VWF: variants seen among roughly 807,000 people sequenced by gnomAD.
VWF encodes von Willebrand factor.
Under a neutral mutation model 308.6 loss-of-function variants are expected in VWF, and 176 were observed. The observed-to-expected ratio is 0.57, with a 90% CI of 0.50 to 0.65. The LOEUF (loss-of-function observed/expected upper bound fraction) is 0.65, where lower values mean the gene tolerates loss of function less well. Ranked by LOEUF, VWF falls within the 30% of genes least tolerant of loss-of-function variation. The pLI, the probability that VWF is intolerant of heterozygous loss-of-function variation, is 0.00. For synonymous variants in VWF, 1,385 were observed against 1,443.4 expected (o/e 0.96, Z 0.92); for missense variants, 3,146 against 3,648.2 (o/e 0.86, Z 3.55).
rs183064543 is a variant in VWF, at chr12:5,980,606, C to T, written c.7287+1180G>A. On this transcript the variant is annotated intron_variant, in intron 42 of 51. Coordinates refer to ENST00000261405, the MANE Select transcript of VWF (RefSeq NM_000552.5). ...AAGGCAGGAGGGGTGGGCAGGAAGA[C>T]GAGAAGGAGAACAGAGATATAAGAA... Among the ~76,000 whole-genome samples the T allele has an allele frequency of 1.1e-4, 16 of 152,230 alleles. No individual in the cohort carries two copies. In the East Asian group the frequency reaches 1.9e-3, roughly 18 times the overall value.
intron 6 of VWF, among the ~76,000 whole-genome samples, chr12:6,081,084 G>A (rs891408295): frequency 2.0e-5 from 3 of 152,030 alleles, no homozygotes; most frequent in Admixed American, 6.6e-5. Flanking sequence ...CAGATTCTCC[G>A]CCCATCCTCC....
At position 5,994,524 on chromosome 12, in the gene VWF, C is replaced by G; in HGVS notation, c.6147G>C (p.Glu2049Asp). The change falls in exon 36 of 52, where the codon GAG becomes GAC. Residue 2049 changes from glutamate (E) to aspartate (D), a missense_variant. Glu to Asp is a conservative substitution (Grantham distance 45, BLOSUM62 2). Around this residue, in one of 3 missense-constraint regions of VWF, gnomAD observed 989 missense variants for 1,117.4 expected, o/e 0.89. Coordinates refer to ENST00000261405, the MANE Select transcript of VWF (RefSeq NM_000552.5). ...EVNVYGAIMH[E>D]VRFNHLGHIF... is the part of the protein sequence containing the mutation. ...TGTGACCAAGGTGATTGAATCTGAC[C>G]TCATGCATGATGGCACCATAAACGT... 1 of 1,614,002 alleles carries G rather than the reference C, an allele frequency of 6.2e-7. No individual in the cohort carries two copies. Among genetic ancestry groups the G allele is most frequent in the East Asian group, 2.2e-5 (1 of 44,888 alleles).
chr12:6,093,854 CCCTTCT>C (rs777576169), intron 6 of VWF, among the ~76,000 whole-genome samples: 28 of 152,216 alleles, frequency 1.8e-4, no homozygotes, highest in Non-Finnish European at 3.7e-4. Flanking sequence ...TCCCCACCTC[CCCTTCT>C]CTCCAGTGTG....
chr12:6,105,127 G>A (rs1013796745), intron 5 of VWF, among the ~76,000 whole-genome samples: 27 of 152,150 alleles, frequency 1.8e-4, no homozygotes, highest in Admixed American at 1.4e-3. Context: ...CAGATGATGA[G>A]AAATTACTTA....
At chr12:5,976,863 G>A (rs549424845) in intron 42 of VWF, among the ~76,000 whole-genome samples, 17 of 152,288 alleles carry the variant, frequency 1.1e-4, no homozygotes, top group African/African-American at 3.8e-4. Flanking sequence ...GGGAAACGTG[G>A]AAAGTCTGGG....
In VWF at chr12:6,046,849, C is replaced by A; in HGVS notation, c.2187-32G>T. 1.3e-6 allele frequency: 2 copies of A among 1,597,808 alleles called. No individual in the cohort carries two copies. The highest frequency in any genetic ancestry group is 1.1e-5 in the South Asian group (1 of 90,600). ...AGAAGAAAATCATAGCCGAGCTTCA[C>A]GAGACTCGTCTATACTCGCTGCCTC... On this transcript the variant is annotated intron_variant, in intron 16 of 51. Transcript: ENST00000261405. The surrounding 1 kb of genome is among the most constrained non-coding windows in gnomAD (Gnocchi z 5.0).
intron 5 of VWF, 60 bp from the exon 6 acceptor site, chr12:6,095,644 G>A (rs1945098095): frequency 1.9e-6 from 3 of 1,612,584 alleles, no homozygotes; most frequent in Non-Finnish European, 2.5e-6. Context: ...GAACTTCTGG[G>A]TGAAAATTCT....
chr12:6,052,846 A>G, intron 15 of VWF, 63 bp from the exon 16 acceptor site: 1 of 1,573,688 alleles, frequency 6.4e-7, no homozygotes, highest in Non-Finnish European at 8.6e-7. Flanking sequence ...CTGTGGTTCT[A>G]GGACTTGCCA....
intron 47 of VWF, among the ~76,000 whole-genome samples, chr12:5,955,123 G>A (rs1943233256): frequency 6.6e-6 from 1 of 152,108 alleles, no homozygotes; most frequent in South Asian, 2.1e-4. Flanking sequence ...AAAATTTCAT[G>A]CAAAGAAATA....
intron 47 of VWF, among the ~76,000 whole-genome samples, chr12:5,954,250 G>T (rs959095078): frequency 2.2e-4 from 33 of 152,210 alleles, no homozygotes; most frequent in African/African-American, 7.9e-4. Context: ...TAAAGCCTAC[G>T]TCTACTCTTG....
Position 5,999,289 on chromosome 12 carries a change from C to A in VWF, c.5843-3067G>T, listed in dbSNP as rs548618328. Among the ~76,000 whole-genome samples, 34 of 152,190 alleles carry A rather than the reference C, an allele frequency of 2.2e-4. No individual in the cohort carries two copies. The East Asian group carries it at 6.6e-3, about 29-fold the overall frequency. On this transcript the variant is annotated intron_variant, in intron 34 of 51. Coordinates refer to ENST00000261405, the MANE Select transcript of VWF (RefSeq NM_000552.5). The stretch of plus-strand genomic sequence containing the variant: ...CAGACCAGAGCAGGTGCTAAAAACA[C>A]ACGCAATATTTGGTGACAACCTGAA...
chr12:6,072,157 C>A (rs1378833476), intron 9 of VWF, among the ~76,000 whole-genome samples, 174 bp downstream of exon 9: 1 of 152,112 alleles, frequency 6.6e-6, no homozygotes, highest in African/African-American at 2.4e-5. Context: ...CTCTTTGCTC[C>A]CCATCATTGC....
rs181171765 is a variant in VWF, at chr12:6,025,769, A to G, written c.3109-76T>C. On this transcript the variant is annotated intron_variant, in intron 23 of 51. Coordinates refer to ENST00000261405, the MANE Select transcript of VWF (RefSeq NM_000552.5). The stretch of plus-strand genomic sequence containing the variant: ...TATTCAGCCCAGAAGGATCCAAGAG[A>G]CCCTCCTTCCCACCCTGCAGCCACC... The G allele has an allele frequency of 1.6e-4, 238 of 1,510,608 alleles. 1 individual carries two copies. The African/African-American group carries it at 3.0e-3, about 19-fold the overall frequency. 93.6% of individuals were successfully genotyped at this position (1,510,608 alleles called of 1,614,324 possible).
chr12:5,958,588 C>G (rs1261995175), intron 47 of VWF, among the ~76,000 whole-genome samples: 2 of 152,114 alleles, frequency 1.3e-5, no homozygotes, highest in African/African-American at 2.4e-5. Flanking sequence ...ACCTGGAAGG[C>G]TGAGATGGGA....
intron 42 of VWF, among the ~76,000 whole-genome samples, chr12:5,979,174 G>C (rs1489398363): frequency 6.6e-6 from 1 of 152,170 alleles, no homozygotes; most frequent in Non-Finnish European, 1.5e-5. Flanking sequence ...AACTGGAAAA[G>C]AAAAAATCAA....
chr12:5,967,924 G>C (rs574033942), intron 46 of VWF, among the ~76,000 whole-genome samples: 4 of 152,212 alleles, frequency 2.6e-5, no homozygotes, highest in Non-Finnish European at 5.9e-5. Flanking sequence ...GGAAGTGAGT[G>C]TGAGACAGGC....
At chr12:6,059,776 ACACT>A (rs1387224480) in intron 13 of VWF, among the ~76,000 whole-genome samples, 2 of 152,240 alleles carry the variant, frequency 1.3e-5, no homozygotes, top group Non-Finnish European at 1.5e-5. Context: ...GTGCCAGCAG[ACACT>A]CAGTAAGTGT....
At chr12:6,104,158 C>T (rs527879702) in intron 5 of VWF, among the ~76,000 whole-genome samples, 1 of 151,928 alleles carries the variant, frequency 6.6e-6, no homozygotes, top group Non-Finnish European at 1.5e-5. Flanking sequence ...AAATATCTGA[C>T]AGGAATGTGA....
chr12:6,071,365 G>C (rs1416701383), intron 9 of VWF, 22 bp from the exon 10 acceptor site: 10 of 1,613,990 alleles, frequency 6.2e-6, no homozygotes, highest in Non-Finnish European at 8.5e-6. Flanking sequence ...AAAAAGCACA[G>C]GTCATTGGTG....
Sources: gnomAD v4.1 joint callset for allele counts (sites outside exome capture counted in the v4.1 genomes callset) on GRCh38, gnomAD v4.1.1 for gene constraint, gnomAD v4.1.1 regional missense constraint, Gnocchi (gnomAD v3.1) non-coding constraint, MANE v1.5 for transcripts, NCBI Gene and HGNC (gene_info 2026-07-23, HGNC 2026-07-21) for gene names.